Variants in FBXL7 observed in about 807,000 individuals in gnomAD.
FBXL7 encodes F-box/LRR-repeat protein 7.
FBXL7 carries 12 observed loss-of-function variants against 38.3 expected under a neutral mutation model. That is an observed-to-expected ratio of 0.31 (90% CI 0.20 to 0.51). The LOEUF is 0.51. Among genes scored for constraint, FBXL7 ranks in the 20% least tolerant of loss-of-function variants. The pLI is 0.98. For synonymous variants in FBXL7, 297 were observed against 300.9 expected (o/e 0.99, Z 0.13); for missense variants, 567 against 676.4 (o/e 0.84, Z 1.79).
intron 2 of FBXL7, among the ~76,000 whole-genome samples, chr5:15,865,131 C>A (rs544356276): frequency 6.6e-6 from 1 of 152,278 alleles, no homozygotes; most frequent in South Asian, 2.1e-4. Flanking sequence ...AGGAGAGAAA[C>A]CATCTCTGGC....
intron 2 of FBXL7, among the ~76,000 whole-genome samples, chr5:15,810,556 C>A (rs1298639041): frequency 8.6e-6 from 1 of 116,578 alleles, no homozygotes; most frequent in East Asian, 2.7e-4. Context: ...AGCAAAACTC[C>A]GTCTCAAAAA....
chr5:15,836,619 A>G (rs1226733074), intron 2 of FBXL7, among the ~76,000 whole-genome samples: 1 of 152,010 alleles, frequency 6.6e-6, no homozygotes, highest in Admixed American at 6.6e-5. Context: ...GTCTGTTTGA[A>G]GAACAGTGAG....
At chr5:15,558,953 C>T (rs928393216) in intron 1 of FBXL7, among the ~76,000 whole-genome samples, 38 of 152,274 alleles carry the variant, frequency 2.5e-4, no homozygotes, top group African/African-American at 8.7e-4. Flanking sequence ...GTACTTAACT[C>T]GTCGTGGGTC....
chr5:15,517,065 C>T (rs965935936), intron 1 of FBXL7, among the ~76,000 whole-genome samples: 8 of 151,752 alleles, frequency 5.3e-5, no homozygotes, highest in African/African-American at 2.4e-5. Flanking sequence ...CTCGCTCTGT[C>T]GCCCAGGCTG....
intron 2 of FBXL7, among the ~76,000 whole-genome samples, chr5:15,889,589 C>A (rs1740819048): frequency 6.6e-6 from 1 of 152,142 alleles, no homozygotes; most frequent in African/African-American, 2.4e-5. Context: ...CAACTCTCTG[C>A]CATATTAGAA....
chr5:15,745,273 C>T (rs1331884776), intron 2 of FBXL7, among the ~76,000 whole-genome samples: 1 of 152,060 alleles, frequency 6.6e-6, no homozygotes, highest in Non-Finnish European at 1.5e-5. Flanking sequence ...TCCTAGGTAG[C>T]AAAACCCTAG....
At chr5:15,772,775 A>G (rs957004525) in intron 2 of FBXL7, among the ~76,000 whole-genome samples, 2 of 152,162 alleles carry the variant, frequency 1.3e-5, no homozygotes, top group Non-Finnish European at 2.9e-5. Context: ...AATATCCTCT[A>G]TTATATCCCT....
chr5:15,888,638 T>A (rs531486188), intron 2 of FBXL7, among the ~76,000 whole-genome samples: 4 of 152,240 alleles, frequency 2.6e-5, no homozygotes, highest in African/African-American at 9.6e-5. Flanking sequence ...GACCATTTGG[T>A]CAGGTTTAGA....
intron 1 of FBXL7, among the ~76,000 whole-genome samples, chr5:15,532,471 C>G (rs1737458554): frequency 6.6e-6 from 1 of 152,198 alleles, no homozygotes; most frequent in Non-Finnish European, 1.5e-5. Context: ...AGATTGTATT[C>G]TGATGGACAA....
chr5:15,669,886 C>T (rs1742409750), intron 2 of FBXL7, among the ~76,000 whole-genome samples: 1 of 152,230 alleles, frequency 6.6e-6, no homozygotes, highest in Non-Finnish European at 1.5e-5. Flanking sequence ...CTCCATTTCA[C>T]TGATGTCAGA....
chr5:15,622,554 C>T (rs1042525217), intron 2 of FBXL7, among the ~76,000 whole-genome samples: 7 of 152,146 alleles, frequency 4.6e-5, no homozygotes, highest in East Asian at 1.9e-4. Context: ...TTTGTCCTTG[C>T]GACAGTTTGC....
chr5:15,783,773 CT>C (rs904333950), intron 2 of FBXL7, among the ~76,000 whole-genome samples: 12 of 152,022 alleles, frequency 7.9e-5, no homozygotes, highest in African/African-American at 2.7e-4. Flanking sequence ...AGGATGGGTG[CT>C]GGATTATTGA....
intron 2 of FBXL7, among the ~76,000 whole-genome samples, chr5:15,850,474 G>A (rs1224322481): frequency 6.6e-6 from 1 of 152,170 alleles, no homozygotes; most frequent in African/African-American, 2.4e-5. Flanking sequence ...TCTTTGTGGT[G>A]TCACAGCCAC....
At chr5:15,781,150 C>T (rs1267990773) in intron 2 of FBXL7, among the ~76,000 whole-genome samples, 8 of 151,994 alleles carry the variant, frequency 5.3e-5, no homozygotes, top group Non-Finnish European at 1.0e-4. Flanking sequence ...ATGGATTTGT[C>T]CAATAGAAAT....
chr5:15,643,030 G>A (rs62347915), intron 2 of FBXL7, among the ~76,000 whole-genome samples: 16,455 of 152,180 alleles, frequency 0.11, 1,066 homozygotes, highest in African/African-American at 0.18. Flanking sequence ...ATCCTTTTAT[G>A]TGTTTAACAG....
At chr5:15,543,728 C>T (rs1229060129) in intron 1 of FBXL7, among the ~76,000 whole-genome samples, 2 of 152,164 alleles carry the variant, frequency 1.3e-5, no homozygotes, top group African/African-American at 4.8e-5. Context: ...ATCAAGCCAA[C>T]CTCAGTATAA....
chr5:15,915,401 T>C (rs1452478114), intron 2 of FBXL7, among the ~76,000 whole-genome samples: 1 of 152,176 alleles, frequency 6.6e-6, no homozygotes, highest in African/African-American at 2.4e-5. Context: ...CCCCAGATGT[T>C]TCTGGAGTGT....
intron 2 of FBXL7, among the ~76,000 whole-genome samples, chr5:15,657,091 A>G (rs1741908576): frequency 6.6e-6 from 1 of 152,222 alleles, no homozygotes. Context: ...ACCCAAATAG[A>G]TGGAGAGACA....
At chr5:15,933,724 G>T (rs888351225) in intron 3 of FBXL7, among the ~76,000 whole-genome samples, 8 of 152,128 alleles carry the variant, frequency 5.3e-5, no homozygotes, top group African/African-American at 1.9e-4. Context: ...CCCAGGGCCT[G>T]AGTGTCTAAG....
Sources: allele counts gnomAD v4.1 joint callset (sites outside exome capture counted in the v4.1 genomes callset), GRCh38; gene constraint gnomAD v4.1.1; transcripts MANE v1.5; gene names NCBI Gene and HGNC (gene_info 2026-07-23, HGNC 2026-07-21).